The following ARHGAP6 variants were observed in gnomAD, a reference collection of about 807,000 sequenced individuals.
ARHGAP6 encodes Rho GTPase activating protein 6.
ARHGAP6 carries 16 observed loss-of-function variants against 55.7 expected under a neutral mutation model. The ratio of observed to expected loss-of-function variants is 0.29; its 90% CI spans 0.19 to 0.44. The LOEUF (loss-of-function observed/expected upper bound fraction) is 0.44. Among genes scored for constraint, ARHGAP6 ranks in the 20% least tolerant of loss-of-function variants. The pLI is 1.00. For synonymous variants in ARHGAP6, 382 were observed against 360.9 expected, an observed-to-expected ratio of 1.06 and a Z score of -0.66; for missense variants, 698 against 808.9, an observed-to-expected ratio of 0.86 and a Z score of 1.66.
At chrX:11,620,569 G>A (rs923916633) in intron 1 of ARHGAP6, among the ~76,000 whole-genome samples, 1 of 112,482 alleles carries the variant, frequency 8.9e-6, no homozygotes, top group Non-Finnish European at 1.9e-5. Context: ...TACTTACTAT[G>A]AAAGGCTGAA....
At chrX:11,143,826 G>A (rs1360693743) in intron 11 of ARHGAP6, 154 bp downstream of exon 11, 6 of 1,174,456 alleles carry the variant, frequency 5.1e-6, no homozygotes, top group African/African-American at 3.6e-5. Flanking sequence ...TAGAGTAGGC[G>A]TTCAGCAGGT....
At chrX:11,309,994 TTAAAA>T (rs1274698965) in intron 1 of ARHGAP6, among the ~76,000 whole-genome samples, 2 of 108,418 alleles carry the variant, frequency 1.8e-5, no homozygotes, top group African/African-American at 6.7e-5. Context: ...TGTACAAAAA[TTAAAA>T]TAAAATAAAA....
At chrX:11,168,071 A>G (rs1302241364) in intron 9 of ARHGAP6, among the ~76,000 whole-genome samples, 1 of 111,666 alleles carries the variant, frequency 9.0e-6, no homozygotes, top group Non-Finnish European at 1.9e-5. Flanking sequence ...TGGCTTGTGC[A>G]TAAGTTCTGG....
At chrX:11,516,481 A>G (rs774676726) in intron 1 of ARHGAP6, among the ~76,000 whole-genome samples, 34 of 112,167 alleles carry the variant, frequency 3.0e-4, no homozygotes, top group Admixed American at 5.7e-4. Flanking sequence ...TTCTAAAAAT[A>G]TATTTTCAAT....
chrX:11,556,732 T>C (rs2051323215), intron 1 of ARHGAP6, among the ~76,000 whole-genome samples: 1 of 112,098 alleles, frequency 8.9e-6, no homozygotes, highest in Admixed American at 9.4e-5. Flanking sequence ...GGAATTTAAT[T>C]TCAGAACCTA....
chrX:11,159,503 G>C (rs1445192082), intron 9 of ARHGAP6, among the ~76,000 whole-genome samples: 1 of 110,441 alleles, frequency 9.1e-6, no homozygotes, highest in Admixed American at 9.7e-5. Context: ...AGAAGAGAGG[G>C]AGAGGGAGAA....
chrX:11,479,631 G>T (rs1309991427), intron 1 of ARHGAP6, among the ~76,000 whole-genome samples: 5 of 110,584 alleles, frequency 4.5e-5, no homozygotes, highest in Non-Finnish European at 9.5e-5. Context: ...TCGCCATCTT[G>T]AAATTCTAAT....
intron 1 of ARHGAP6, among the ~76,000 whole-genome samples, chrX:11,379,632 T>C (rs895120225): frequency 4.5e-5 from 5 of 111,944 alleles, no homozygotes; most frequent in African/African-American, 1.6e-4. Flanking sequence ...CCTGAAAAAG[T>C]ATGATAGAAA....
At chrX:11,461,965 A>G (rs1054671067) in intron 1 of ARHGAP6, among the ~76,000 whole-genome samples, 2 of 112,185 alleles carry the variant, frequency 1.8e-5, no homozygotes, top group East Asian at 2.8e-4. Flanking sequence ...AAGGAGGGAC[A>G]ATAGCATCTC....
intron 1 of ARHGAP6, among the ~76,000 whole-genome samples, chrX:11,313,426 C>A (rs756956655): frequency 2.2e-4 from 25 of 112,195 alleles, no homozygotes; most frequent in Non-Finnish European, 4.5e-4. Flanking sequence ...ACAAGGCAAG[C>A]TGGGTCCTGA....
At chrX:11,577,262 G>T (rs1017965051) in intron 1 of ARHGAP6, among the ~76,000 whole-genome samples, 2 of 112,156 alleles carry the variant, frequency 1.8e-5, no homozygotes, top group Non-Finnish European at 3.8e-5. Context: ...GTTGGTAGGG[G>T]AGTGAGAGGC....
intron 1 of ARHGAP6, among the ~76,000 whole-genome samples, chrX:11,546,245 C>T (rs910050701): frequency 4.5e-5 from 5 of 110,971 alleles, no homozygotes; most frequent in African/African-American, 1.6e-4. Context: ...ATTGGCTTTG[C>T]AATAAATGAC....
chrX:11,300,458 A>G (rs2048157405), intron 1 of ARHGAP6: 2 of 473,432 alleles, frequency 4.2e-6, no homozygotes, highest in Non-Finnish European at 3.6e-6. Context: ...ATGACAACGA[A>G]ATAACAAAGA....
intron 2 of ARHGAP6, among the ~76,000 whole-genome samples, chrX:11,238,156 T>A (rs1475348367): frequency 8.9e-6 from 1 of 112,667 alleles, no homozygotes; most frequent in Non-Finnish European, 1.9e-5. Flanking sequence ...CTTGTCACAA[T>A]GCTCAAGTTA....
chrX:11,626,260 A>G (rs1027295199), intron 1 of ARHGAP6, among the ~76,000 whole-genome samples: 10 of 112,029 alleles, frequency 8.9e-5, no homozygotes, highest in African/African-American at 1.3e-4. Flanking sequence ...TACAAAAACT[A>G]CTCAAGAGAA....
At chrX:11,541,829 T>C (rs2051160961) in intron 1 of ARHGAP6, among the ~76,000 whole-genome samples, 1 of 112,528 alleles carries the variant, frequency 8.9e-6, no homozygotes, top group Admixed American at 9.4e-5. Context: ...AACAACTACA[T>C]AGGATTGATA....
intron 2 of ARHGAP6, among the ~76,000 whole-genome samples, chrX:11,247,996 T>G (rs1424786893): frequency 8.9e-6 from 1 of 111,971 alleles, no homozygotes; most frequent in Non-Finnish European, 1.9e-5. Flanking sequence ...CCACTAAAAA[T>G]GTCTCCAGAT....
intron 1 of ARHGAP6, among the ~76,000 whole-genome samples, chrX:11,643,563 T>C (rs1412171685): frequency 8.9e-6 from 1 of 112,082 alleles, no homozygotes. Context: ...AATATTTTGA[T>C]GTATTTTTCT....
Position 11,197,866 on chromosome X carries a change from T to A in ARHGAP6, c.749-870A>T, listed in dbSNP as rs958504241. ...GGCATTCATCATTGCCAGAATGCGT[T>A]TTGAGGTTATGCAGCTGTCAACTTA... is the stretch of plus-strand genomic sequence containing the variant. On this transcript the variant is annotated intron_variant, in intron 2 of 12. Coordinates refer to ENST00000337414, the MANE Select transcript of ARHGAP6 (RefSeq NM_013427.3). 2.4e-4 allele frequency among the ~76,000 whole-genome samples: 27 copies of A among 111,775 alleles called. 1 individual carries two copies. Among genetic ancestry groups the A allele is most frequent in the Non-Finnish European group, 4.3e-4 (23 of 53,175 alleles).
Sources: allele counts gnomAD v4.1 joint callset (sites outside exome capture counted in the v4.1 genomes callset), GRCh38; gene constraint gnomAD v4.1.1; transcripts MANE v1.5; gene names NCBI Gene and HGNC (gene_info 2026-07-23, HGNC 2026-07-21).